Variants in SNTG1 observed in about 807,000 individuals in gnomAD.
SNTG1 encodes the protein syntrophin gamma 1.
In SNTG1, 39 loss-of-function variants were observed where a neutral mutation model predicts 74.7. That is an observed-to-expected ratio of 0.52 (90% confidence interval 0.40 to 0.68). The LOEUF is 0.68. SNTG1 is among the 30% of genes least tolerant of loss of function. The probability of loss-of-function intolerance (pLI) is 0.00; values close to 1 mark genes in which losing one functional copy is unlikely to be tolerated. For missense variants in SNTG1, 685 were observed against 609.5 expected (o/e 1.12, Z -1.30); for synonymous variants, 254 against 217.1 (o/e 1.17, Z -1.49).
At chr8:50,222,024 G>A (rs1242679808) in intron 2 of SNTG1, among the ~76,000 whole-genome samples, 1 of 152,186 alleles carries the variant, frequency 6.6e-6, no homozygotes, top group African/African-American at 2.4e-5. Flanking sequence ...TCTTAGGGGT[G>A]CAGAAAATGG....
chr8:50,132,459 A>G (rs985333050), intron 1 of SNTG1, among the ~76,000 whole-genome samples: 14 of 152,158 alleles, frequency 9.2e-5, no homozygotes, highest in African/African-American at 2.9e-4. Context: ...CCAAGTTACA[A>G]TAATTAGACT....
chr8:49,909,834 C>T (rs1443400510), upstream of SNTG1: 1 of 152,354 alleles, frequency 6.6e-6, no homozygotes, highest in East Asian at 1.9e-4. Context: ...CTGGTGGCCA[C>T]CCCAGGGAAA....
intron 2 of SNTG1, among the ~76,000 whole-genome samples, chr8:50,251,756 TA>T (rs1457960105): frequency 6.6e-6 from 1 of 151,966 alleles, no homozygotes. Flanking sequence ...AGAAATATAA[TA>T]ATGGTAAGAG....
intron 9 of SNTG1, among the ~76,000 whole-genome samples, chr8:50,506,485 G>A (rs77209670): frequency 0.024 from 3,711 of 152,094 alleles, 140 homozygotes; most frequent in African/African-American, 0.081. Context: ...AGCATGGGAT[G>A]TCTTTCTATT....
At chr8:50,433,515 C>A (rs1457417912) in intron 4 of SNTG1, among the ~76,000 whole-genome samples, 1 of 138,592 alleles carries the variant, frequency 7.2e-6, no homozygotes, top group Non-Finnish European at 1.6e-5. Flanking sequence ...TTCATTTTAT[C>A]TCAGGCCTGT....
At chr8:50,255,594 A>G (rs1454034269) in intron 2 of SNTG1, among the ~76,000 whole-genome samples, 1 of 152,132 alleles carries the variant, frequency 6.6e-6, no homozygotes, top group Non-Finnish European at 1.5e-5. Context: ...GTTTGCTGGC[A>G]GTTCTTAGTG....
At chr8:50,396,017 T>A (rs1221688127) in intron 3 of SNTG1, among the ~76,000 whole-genome samples, 1 of 152,224 alleles carries the variant, frequency 6.6e-6, no homozygotes, top group Non-Finnish European at 1.5e-5. Flanking sequence ...TTATTTTGGA[T>A]TTCAGAGGCT....
rs58030144 is a variant in SNTG1 at position 50,395,506 on chromosome 8, G to GGTTTTTTTT, written c.27+1241_27+1242insGTTTTTTTT. On this transcript the variant is annotated intron_variant, in intron 3 of 18. Transcript: ENST00000642720. Reference sequence around the variant, plus strand: ...TTTAAATTTTAATTGTCTAATTTCTGTTTTTTTTTTTTTTTTTAATGGAGT... The same window carrying GGTTTTTTTT: ...TTTAAATTTTAATTGTCTAATTTCTGGTTTTTTTTTTTTTTTTTTTTTTTTTAATGGAGT... Among the ~76,000 whole-genome samples, 11 of 135,654 alleles carry GGTTTTTTTT rather than the reference G, an allele frequency of 8.1e-5. 4 individuals are homozygous for GGTTTTTTTT. Among genetic ancestry groups the GGTTTTTTTT allele is most frequent in the Non-Finnish European group, 1.1e-4 (7 of 64,848 alleles). The allele number at this position is 135,654 out of a possible 152,430, so 89.0% of individuals were successfully genotyped here.
chr8:50,015,309 G>C (rs1215033068), intron 1 of SNTG1, among the ~76,000 whole-genome samples: 1 of 151,872 alleles, frequency 6.6e-6, no homozygotes, highest in Admixed American at 6.6e-5. Context: ...GAGAGAATCA[G>C]GTAACTTGAT....
At chr8:50,534,186 T>C (rs1052285522) in intron 10 of SNTG1, among the ~76,000 whole-genome samples, 2 of 152,224 alleles carry the variant, frequency 1.3e-5, no homozygotes, top group African/African-American at 4.8e-5. Flanking sequence ...GGCTCTGCTA[T>C]CAAAAAGGTG....
chr8:50,272,161 C>T (rs1477263414), intron 2 of SNTG1, among the ~76,000 whole-genome samples: 1 of 152,152 alleles, frequency 6.6e-6, no homozygotes, highest in Non-Finnish European at 1.5e-5. Flanking sequence ...GGAACTGAAA[C>T]ATTTAGTTAT....
At chr8:50,090,615 T>C (rs1488867699) in intron 1 of SNTG1, among the ~76,000 whole-genome samples, 1 of 152,096 alleles carries the variant, frequency 6.6e-6, no homozygotes, top group Non-Finnish European at 1.5e-5. Flanking sequence ...GCTAATTGGG[T>C]CCTGTACACT....
intron 2 of SNTG1, among the ~76,000 whole-genome samples, chr8:50,342,263 T>C (rs2091339051): frequency 6.6e-6 from 1 of 152,014 alleles, no homozygotes; most frequent in South Asian, 2.1e-4. Context: ...TTCTGGAAGT[T>C]ACAATAAATA....
chr8:50,689,164 G>T (rs556941214), intron 15 of SNTG1, among the ~76,000 whole-genome samples: 2 of 151,706 alleles, frequency 1.3e-5, no homozygotes, highest in East Asian at 3.9e-4. Context: ...AGACAATGGG[G>T]TTTTCTAGAT....
chr8:50,017,809 C>T (rs920683384), intron 1 of SNTG1, among the ~76,000 whole-genome samples: 3 of 151,786 alleles, frequency 2.0e-5, no homozygotes, highest in Non-Finnish European at 4.4e-5. Context: ...GAGAACTAAA[C>T]AATTTATTTG....
chr8:50,399,987 A>G (rs1269460361), intron 3 of SNTG1, among the ~76,000 whole-genome samples: 1 of 152,202 alleles, frequency 6.6e-6, no homozygotes, highest in Non-Finnish European at 1.5e-5. Flanking sequence ...TTACAAAATA[A>G]TTCTAGAATA....
At chr8:50,306,286 C>T (rs565170718) in intron 2 of SNTG1, among the ~76,000 whole-genome samples, 20 of 151,970 alleles carry the variant, frequency 1.3e-4, no homozygotes, top group African/African-American at 4.6e-4. Flanking sequence ...TTTCTTTATT[C>T]ATTCATTGAT....
intron 2 of SNTG1, among the ~76,000 whole-genome samples, chr8:50,259,878 T>C (rs1459538591): frequency 6.6e-6 from 1 of 152,152 alleles, no homozygotes; most frequent in Non-Finnish European, 1.5e-5. Context: ...GAAATTTTCA[T>C]GAGACACAGT....
At chr8:50,075,784 T>C (rs908007511) in intron 1 of SNTG1, among the ~76,000 whole-genome samples, 2 of 152,040 alleles carry the variant, frequency 1.3e-5, no homozygotes, top group African/African-American at 2.4e-5. Flanking sequence ...AATGAACAAC[T>C]CCAGACGCGC....
Sources: allele counts gnomAD v4.1 joint callset (sites outside exome capture counted in the v4.1 genomes callset), GRCh38; gene constraint gnomAD v4.1.1; transcripts MANE v1.5; gene names NCBI Gene and HGNC (gene_info 2026-07-23, HGNC 2026-07-21).